GATAD2A: variants seen among roughly 807,000 people sequenced by gnomAD.
GATAD2A encodes transcriptional repressor p66-alpha.
GATAD2A carries 12 observed loss-of-function variants against 68.5 expected under a neutral mutation model. The observed-to-expected ratio is 0.18, with a 90% CI of 0.11 to 0.28. GATAD2A has a LOEUF of 0.28. Ranked by LOEUF, GATAD2A falls within the 10% of genes least tolerant of loss-of-function variation. The probability of loss-of-function intolerance (pLI) is 1.00; values close to 1 mark genes in which losing one functional copy is unlikely to be tolerated. For missense variants in GATAD2A, 755 were observed against 868.5 expected, an observed-to-expected ratio of 0.87 and a Z score of 1.64; for synonymous variants, 410 against 375.3, an observed-to-expected ratio of 1.09 and a Z score of -1.07.
intron 1 of GATAD2A, among the ~76,000 whole-genome samples, chr19:19,393,947 C>T (rs1455669673): frequency 1.3e-5 from 2 of 150,940 alleles, no homozygotes; most frequent in South Asian, 2.1e-4. Context: ...AGTGCAGTGG[C>T]GTGATCTTGG....
At chr19:19,415,992 C>G (rs1267669714) in intron 1 of GATAD2A, among the ~76,000 whole-genome samples, 1 of 151,800 alleles carries the variant, frequency 6.6e-6, no homozygotes, top group Non-Finnish European at 1.5e-5. Context: ...TGGTTTTGCT[C>G]TGTCACCCAG....
At chr19:19,407,592 G>C (rs969424735) in intron 1 of GATAD2A, among the ~76,000 whole-genome samples, 1 of 152,166 alleles carries the variant, frequency 6.6e-6, no homozygotes, top group Non-Finnish European at 1.5e-5. Context: ...TTTCCCTGGC[G>C]CTTCTAAAAT....
intron 2 of GATAD2A, among the ~76,000 whole-genome samples, chr19:19,473,069 G>A (rs2058429352): frequency 6.6e-6 from 1 of 152,168 alleles, no homozygotes; most frequent in African/African-American, 2.4e-5. Context: ...TGGCTTCCGT[G>A]GTCCATGGAT....
At chr19:19,416,153 A>G (rs2051610542) in intron 1 of GATAD2A, among the ~76,000 whole-genome samples, 1 of 152,130 alleles carries the variant, frequency 6.6e-6, no homozygotes, top group Non-Finnish European at 1.5e-5. Flanking sequence ...ACATCCTTCA[A>G]GTGATATGTG....
At chr19:19,457,614 G>A (rs996029893) in intron 1 of GATAD2A, among the ~76,000 whole-genome samples, 5 of 152,034 alleles carry the variant, frequency 3.3e-5, no homozygotes, top group Admixed American at 1.3e-4. Flanking sequence ...GGTGATGGGC[G>A]CCTGTAGTCC....
intron 3 of GATAD2A, 50 bp from the exon 4 acceptor site, chr19:19,492,531 C>G: frequency 6.2e-7 from 1 of 1,611,934 alleles, no homozygotes; most frequent in Non-Finnish European, 8.5e-7. Context: ...AGGGCCTCTG[C>G]TCCTCACCAA....
intron 1 of GATAD2A, among the ~76,000 whole-genome samples, chr19:19,429,484 C>T (rs566238721): frequency 2.6e-5 from 4 of 152,164 alleles, no homozygotes; most frequent in African/African-American, 9.6e-5. Flanking sequence ...TGGGCCGGGC[C>T]TTGAAGGCCG....
At chr19:19,423,450 G>A (rs1008863715) in intron 1 of GATAD2A, among the ~76,000 whole-genome samples, 1 of 152,220 alleles carries the variant, frequency 6.6e-6, no homozygotes, top group Non-Finnish European at 1.5e-5. Flanking sequence ...TCAGTTTGCC[G>A]CAGTGATGAA....
At position 19,477,835 on chromosome 19, in the gene GATAD2A, C is replaced by G. The variant is rs148927546; in HGVS notation, c.269+12221C>G. ...CCAGCAGTCTAGGGGCAGTGGGGCA[C>G]AAGATTCAGAATAGCGTCCTCACAC... On this transcript the variant is annotated intron_variant, in intron 2 of 11. Transcript: ENST00000683918. Among the ~76,000 whole-genome samples, 1,482 of 152,202 alleles carry G rather than the reference C, an allele frequency of 9.7e-3. 30 individuals carry two copies. Among genetic ancestry groups the G allele is most frequent in the African/African-American group, 0.034 (1,410 of 41,516 alleles).
intron 1 of GATAD2A, among the ~76,000 whole-genome samples, chr19:19,445,856 G>C (rs188506319): frequency 6.6e-6 from 1 of 152,080 alleles, no homozygotes; most frequent in Non-Finnish European, 1.5e-5. Flanking sequence ...TTTGGCTATT[G>C]TGGATAATGT....
intron 1 of GATAD2A, among the ~76,000 whole-genome samples, chr19:19,446,713 T>C (rs1291458988): frequency 6.6e-6 from 1 of 152,184 alleles, no homozygotes; most frequent in Non-Finnish European, 1.5e-5. Context: ...TGGGGTGATG[T>C]AAAGATTTTG....
intron 1 of GATAD2A, among the ~76,000 whole-genome samples, chr19:19,395,808 A>G (rs1214681837): frequency 2.0e-5 from 3 of 152,180 alleles, no homozygotes; most frequent in East Asian, 1.9e-4. Flanking sequence ...CCTGTGCCAT[A>G]GAAACTTTAG....
At chr19:19,505,297 C>G in intron 11 of GATAD2A, 47 bp from the exon 12 acceptor site, 1 of 1,598,124 alleles carries the variant, frequency 6.3e-7, no homozygotes, top group Non-Finnish European at 8.5e-7. Context: ...CTCCCAGGAG[C>G]CCTCCTGACG....
chr19:19,474,273 T>C (rs1347297610), intron 2 of GATAD2A: 1 of 470,896 alleles, frequency 2.1e-6, no homozygotes, highest in Non-Finnish European at 2.8e-6. Context: ...AGCATGGGGC[T>C]CTCCTGGTGT....
At chr19:19,395,084 G>A (rs1024568040) in intron 1 of GATAD2A, among the ~76,000 whole-genome samples, 6 of 152,232 alleles carry the variant, frequency 3.9e-5, no homozygotes, top group African/African-American at 1.4e-4. Flanking sequence ...CCCTTGGGAA[G>A]TGGATGCTTG....
chr19:19,486,997 C>T (rs1038339798), intron 2 of GATAD2A, among the ~76,000 whole-genome samples: 3 of 152,200 alleles, frequency 2.0e-5, no homozygotes, highest in Non-Finnish European at 4.4e-5. Flanking sequence ...CAAGGCTGGG[C>T]AAGGGTGGCC....
intron 1 of GATAD2A, among the ~76,000 whole-genome samples, chr19:19,462,326 A>T (rs1190423659): frequency 2.0e-5 from 3 of 152,200 alleles, no homozygotes; most frequent in Non-Finnish European, 4.4e-5. Context: ...GGCCAGTAGC[A>T]GGCCCTGCGT....
intron 1 of GATAD2A, among the ~76,000 whole-genome samples, chr19:19,396,834 G>A (rs1003451239): frequency 2.0e-5 from 3 of 151,734 alleles, no homozygotes; most frequent in Admixed American, 6.6e-5. Context: ...TCAGCCTCCC[G>A]AGTAGCTGGG....
At chr19:19,395,272 T>C (rs1341959338) in intron 1 of GATAD2A, among the ~76,000 whole-genome samples, 1 of 152,086 alleles carries the variant, frequency 6.6e-6, no homozygotes, top group East Asian at 1.9e-4. Flanking sequence ...CTGGCCAACA[T>C]GGCGAAACCC....
Sources: gnomAD v4.1 joint callset for allele counts (sites outside exome capture counted in the v4.1 genomes callset) on GRCh38, gnomAD v4.1.1 for gene constraint, MANE v1.5 for transcripts, NCBI Gene and HGNC (gene_info 2026-07-23, HGNC 2026-07-21) for gene names.